LDB2: variants seen among roughly 807,000 people sequenced by gnomAD.
LDB2 encodes the protein LIM domain binding 2.
LDB2 carries 12 observed loss-of-function variants against 44.3 expected under a neutral mutation model. That is an observed-to-expected ratio of 0.27 (90% CI 0.17 to 0.44). The LOEUF (loss-of-function observed/expected upper bound fraction) is 0.44. LDB2 is among the 20% of genes least tolerant of loss of function. LDB2 has a pLI of 1.00. For missense variants in LDB2, 344 were observed against 473.5 expected (o/e 0.73, Z 2.54); for synonymous variants, 164 against 174.8 (o/e 0.94, Z 0.49).
intron 2 of LDB2, among the ~76,000 whole-genome samples, chr4:16,755,095 C>G (rs1430731838): frequency 6.6e-6 from 1 of 152,132 alleles, no homozygotes; most frequent in African/African-American, 2.4e-5. Context: ...GGACCTGGAC[C>G]TGGACACAGG....
chr4:16,667,208 A>G (rs1409861371), intron 2 of LDB2, among the ~76,000 whole-genome samples: 1 of 152,172 alleles, frequency 6.6e-6, no homozygotes, highest in Non-Finnish European at 1.5e-5. Flanking sequence ...ATCTTGAACT[A>G]GTATCTTCCA....
At chr4:16,585,540 G>A (rs562946387) in intron 5 of LDB2, among the ~76,000 whole-genome samples, 160 of 152,302 alleles carry the variant, frequency 1.1e-3, no homozygotes, top group African/African-American at 3.5e-3. Flanking sequence ...GCAGTATATT[G>A]ATTCTCCTAA....
At chr4:16,886,939 A>G (rs1421692099) in intron 1 of LDB2, among the ~76,000 whole-genome samples, 1 of 148,022 alleles carries the variant, frequency 6.8e-6, no homozygotes, top group Non-Finnish European at 1.5e-5. Flanking sequence ...AGGCTGAGGC[A>G]GGAGAATGGC....
chr4:16,779,795 G>A (rs1252411052), intron 1 of LDB2, among the ~76,000 whole-genome samples: 1 of 152,188 alleles, frequency 6.6e-6, no homozygotes, highest in Non-Finnish European at 1.5e-5. Flanking sequence ...TCAGCTGGGT[G>A]CCCACTGGAG....
At chr4:16,789,396 T>C (rs1775209993) in intron 1 of LDB2, among the ~76,000 whole-genome samples, 1 of 152,198 alleles carries the variant, frequency 6.6e-6, no homozygotes, top group African/African-American at 2.4e-5. Flanking sequence ...CTCATGAACC[T>C]ACATTCTAGA....
At chr4:16,706,228 T>C (rs1405714174) in intron 2 of LDB2, among the ~76,000 whole-genome samples, 1 of 152,154 alleles carries the variant, frequency 6.6e-6, no homozygotes, top group Non-Finnish European at 1.5e-5. Context: ...CCCAAATTCA[T>C]ATGAGGAAGT....
At chr4:16,559,772 A>C (rs977721866) in intron 5 of LDB2, among the ~76,000 whole-genome samples, 1 of 152,226 alleles carries the variant, frequency 6.6e-6, no homozygotes, top group African/African-American at 2.4e-5. Context: ...CATGTTTTTC[A>C]GCACCACACC....
At chr4:16,556,223 A>G (rs991179367) in intron 5 of LDB2, among the ~76,000 whole-genome samples, 2 of 152,212 alleles carry the variant, frequency 1.3e-5, no homozygotes, top group African/African-American at 4.8e-5. Flanking sequence ...CCATAAGCAT[A>G]TAAGAGCAGG....
At chr4:16,840,278 A>T (rs1441674868) in intron 1 of LDB2, among the ~76,000 whole-genome samples, 6 of 152,220 alleles carry the variant, frequency 3.9e-5, no homozygotes, top group Non-Finnish European at 8.8e-5. Flanking sequence ...GTTCAGATGA[A>T]AATGACTTTG....
At chr4:16,579,003 A>G (rs926714186) in intron 5 of LDB2, among the ~76,000 whole-genome samples, 1 of 152,168 alleles carries the variant, frequency 6.6e-6, no homozygotes, top group African/African-American at 2.4e-5. Flanking sequence ...AAACAAATGA[A>G]CTGGAGATAG....
At chr4:16,685,219 GA>G (rs1748923585) in intron 2 of LDB2, among the ~76,000 whole-genome samples, 1 of 152,196 alleles carries the variant, frequency 6.6e-6, no homozygotes, top group South Asian at 2.1e-4. Flanking sequence ...AGCAGAGCTT[GA>G]GTCCCAGGAG....
At chr4:16,892,996 A>T in intron 1 of LDB2, 1 of 595,710 alleles carries the variant, frequency 1.7e-6, no homozygotes, top group Non-Finnish European at 2.1e-6. Flanking sequence ...ATTTTTAATT[A>T]AAAACAGTTC....
At chr4:16,792,573 G>A (rs951600515) in intron 1 of LDB2, among the ~76,000 whole-genome samples, 1 of 152,138 alleles carries the variant, frequency 6.6e-6, no homozygotes, top group African/African-American at 2.4e-5. Context: ...TTATCTAACT[G>A]CTCCTTCTGA....
At chr4:16,665,511 C>A (rs181367913) in intron 2 of LDB2, among the ~76,000 whole-genome samples, 1 of 152,008 alleles carries the variant, frequency 6.6e-6, no homozygotes, top group Admixed American at 6.5e-5. Context: ...ATGATCTGCC[C>A]ACCTCGGCCT....
chr4:16,579,356 T>C (rs1239372461), intron 5 of LDB2, among the ~76,000 whole-genome samples: 1 of 152,000 alleles, frequency 6.6e-6, no homozygotes, highest in Non-Finnish European at 1.5e-5. Flanking sequence ...AAAGAAGCAT[T>C]TGTAACCTAG....
At chr4:16,629,821 C>A (rs11937719) in intron 2 of LDB2, among the ~76,000 whole-genome samples, 2 of 151,432 alleles carry the variant, frequency 1.3e-5, no homozygotes, top group Non-Finnish European at 2.9e-5. Context: ...TTCAATCAAG[C>A]GGAAGAAAGG....
In LDB2 at chr4:16,502,201, G is replaced by C. The variant is rs2152184401; in HGVS notation, c.*442C>G. 6.5e-6 allele frequency: 1 copy of C among 154,860 alleles called. No homozygotes were observed. The highest frequency in any genetic ancestry group is 1.4e-5 in the Non-Finnish European group (1 of 69,662). 9.6% of individuals were successfully genotyped at this position (154,860 alleles called of 1,614,324 possible). ...TTACTGAAACAAGAAACTCTCAGATGCAAGTCAAAAAGCAGAAAATATTTT... is the reference window on the plus strand; with the variant it reads ...TTACTGAAACAAGAAACTCTCAGATCCAAGTCAAAAAGCAGAAAATATTTT... On this transcript the variant is annotated 3_prime_UTR_variant, in exon 8 of 8. Transcript: ENST00000304523.
chr4:16,807,516 C>T (rs1217033865), intron 1 of LDB2, among the ~76,000 whole-genome samples: 6 of 152,202 alleles, frequency 3.9e-5, no homozygotes, highest in African/African-American at 1.4e-4. Context: ...TTCTTGCTCT[C>T]TTACTGTTCC....
chr4:16,536,037 A>G (rs1731718492), intron 5 of LDB2, among the ~76,000 whole-genome samples: 1 of 152,194 alleles, frequency 6.6e-6, no homozygotes, highest in Non-Finnish European at 1.5e-5. Context: ...CAAAAACCCA[A>G]TCCCAACTAT....
Sources: gnomAD v4.1 joint callset for allele counts (sites outside exome capture counted in the v4.1 genomes callset) on GRCh38, gnomAD v4.1.1 for gene constraint, MANE v1.5 for transcripts, NCBI Gene and HGNC (gene_info 2026-07-23, HGNC 2026-07-21) for gene names.